Variants in CRYAB observed in about 807,000 individuals in gnomAD.
CRYAB encodes crystallin alpha B, also known as alpha-crystallin B chain.
In CRYAB, 9 loss-of-function variants were observed where a neutral mutation model predicts 12.7. The ratio of observed to expected loss-of-function variants is 0.71; its 90% CI spans 0.43 to 1.24. The LOEUF (loss-of-function observed/expected upper bound fraction) is 1.24, where lower values mean the gene tolerates loss of function less well. Among genes scored for constraint, CRYAB ranks in the 50% most tolerant of loss-of-function variants. The pLI is 0.00. For missense variants in CRYAB, 183 were observed against 226.6 expected, an observed-to-expected ratio of 0.81 and a Z score of 1.24; for synonymous variants, 93 against 86.8, an observed-to-expected ratio of 1.07 and a Z score of -0.40.
chr11:111,910,548 G>A, intron 1 of CRYAB, 99 bp from the exon 2 acceptor site: 1 of 1,433,988 alleles, frequency 7.0e-7, no homozygotes, highest in South Asian at 1.2e-5. Flanking sequence ...TTCTGTCCGG[G>A]TAATTCATCC....
rs782635893 is a variant in CRYAB at position 111,908,920 on chromosome 11, G to A, written c.372C>T (p.Ile124=). Residue 124 remains isoleucine, a synonymous_variant, in exon 3 of 3, where the codon ATC becomes ATT. Coordinates refer to ENST00000650687, the MANE Select transcript of CRYAB (RefSeq NM_001289808.2). ...ISREFHRKYR[I]PADVDPLTIT... ...TGGTGAGAGGGTCTACATCAGCTGG[G>A]ATCCGGTATTTCCTGTGGAACTCCC... 2 of 1,613,964 alleles carry A rather than the reference G, an allele frequency of 1.2e-6. No homozygotes were observed. Among genetic ancestry groups the A allele is most frequent in the Non-Finnish European group, 1.7e-6 (2 of 1,180,020 alleles).
At chr11:111,910,732 C>A (rs1965426485) in intron 1 of CRYAB, 1 of 489,214 alleles carries the variant, frequency 2.0e-6, no homozygotes. Context: ...GCAAGCCTGG[C>A]ATCTGCTGCC....
chr11:111,912,726 G>GCCCCC, upstream of CRYAB: 2 of 285,752 alleles, frequency 7.0e-6, no homozygotes, highest in Non-Finnish European at 1.3e-5. Context: ...TGTCGACCCC[G>GCCCCC]CCCCCACCTC....
Position 111,908,704 on chromosome 11 carries a change from C to G in CRYAB, c.*60G>C. 6.4e-7 allele frequency: 1 copy of G among 1,559,344 alleles called. No individual in the cohort carries two copies. Among genetic ancestry groups the G allele is most frequent in the Admixed American group, 1.7e-5 (1 of 59,922 alleles). On this transcript the variant is annotated 3_prime_UTR_variant, in exon 3 of 3. Transcript: ENST00000650687. ...ATAAGCTTCAGCACTAGTCACAAGA[C>G]TTTCATTCACTGGTGGGGAAACTTT... is the stretch of plus-strand genomic sequence containing the variant.
At chr11:111,912,245 T>C (rs1965485202), upstream of CRYAB, 1 of 189,024 alleles carries the variant, frequency 5.3e-6, no homozygotes, top group Non-Finnish European at 1.1e-5. Context: ...AGAGCAGTGA[T>C]GGTCAACATG....
At chr11:111,915,206 C>G (rs1249679300), upstream of CRYAB, among the ~76,000 whole-genome samples, 1 of 152,188 alleles carries the variant, frequency 6.6e-6, no homozygotes, top group African/African-American at 2.4e-5. Context: ...TTTGGCAATA[C>G]AATTTGAATA....
chr11:111,921,999 A>C (rs1965708558), intron 1 of CRYAB, among the ~76,000 whole-genome samples: 1 of 152,072 alleles, frequency 6.6e-6, no homozygotes, highest in Non-Finnish European at 1.5e-5. Context: ...CGCCCAGCTA[A>C]TTTTTGTATT....
In CRYAB at chr11:111,911,744, G is replaced by A. The variant is rs782699271; in HGVS notation, c.-20C>T. On this transcript the variant is annotated 5_prime_UTR_variant, in exon 1 of 3. Transcript: ENST00000650687. ...GTCCATGGTGGCTAGGTGAGTGTGAGGGGTCAGCTGGCTGGTCAGCTCCTT... is the reference window on the plus strand; with the variant it reads ...GTCCATGGTGGCTAGGTGAGTGTGAAGGGTCAGCTGGCTGGTCAGCTCCTT... 6.5e-7 allele frequency: 1 copy of A among 1,543,382 alleles called. No homozygotes were observed. The highest frequency in any genetic ancestry group is 8.8e-7 in the Non-Finnish European group (1 of 1,134,536).
upstream of CRYAB, chr11:111,912,910 G>T: frequency 2.5e-6 from 4 of 1,605,850 alleles, no homozygotes; most frequent in Non-Finnish European, 3.4e-6. Context: ...TGGGTGAGCA[G>T]CGCTTCGGAG....
chr11:111,913,154 C>G (rs936751586), upstream of CRYAB: 18 of 607,184 alleles, frequency 3.0e-5, no homozygotes, highest in Middle Eastern at 2.6e-3. Context: ...CTTTGCCGGC[C>G]TGGGTGTGCC....
chr11:111,915,580 C>A (rs1965585622), upstream of CRYAB, among the ~76,000 whole-genome samples: 1 of 152,144 alleles, frequency 6.6e-6, no homozygotes, highest in African/African-American at 2.4e-5. Flanking sequence ...TGTAACTGAG[C>A]TTTATTTAAA....
At position 111,923,294 on chromosome 11, in the gene CRYAB, G is replaced by A. The variant is rs587682033; in HGVS notation, c.-199+409C>T. Among the ~76,000 whole-genome samples, 4 of 152,316 alleles carry A rather than the reference G, an allele frequency of 2.6e-5. No homozygotes were observed. In the South Asian group the frequency reaches 8.3e-4, roughly 32 times the overall value. Reference sequence around the variant, plus strand: ...TGGAGACTCAACTGCTGTCAACTGAGCAAGCTGTAGCAAAACCAAAAATCA... The same window carrying A: ...TGGAGACTCAACTGCTGTCAACTGAACAAGCTGTAGCAAAACCAAAAATCA... On this transcript the variant is annotated intron_variant, in intron 1 of 3. Transcript: ENST00000527950.
chr11:111,921,268 C>T (rs1965694283), intron 1 of CRYAB, among the ~76,000 whole-genome samples: 1 of 152,198 alleles, frequency 6.6e-6, no homozygotes, highest in South Asian at 2.1e-4. Flanking sequence ...TGAACATGTA[C>T]TACAGGCACA....
intron 1 of CRYAB, chr11:111,919,036 C>CT: frequency 6.2e-7 from 1 of 1,613,728 alleles, no homozygotes; most frequent in Non-Finnish European, 8.5e-7. Flanking sequence ...AGGGGAACAT[C>CT]TATCTCTGTT....
intron 2 of CRYAB, chr11:111,909,350 G>T (rs1404785447): frequency 1.3e-5 from 5 of 397,544 alleles, no homozygotes; most frequent in Non-Finnish European, 2.5e-5. Flanking sequence ...GTCCCAGAAG[G>T]TTCCAGAACA....
chr11:111,915,302 C>T (rs1183214915), upstream of CRYAB, among the ~76,000 whole-genome samples: 1 of 152,154 alleles, frequency 6.6e-6, no homozygotes, highest in African/African-American at 2.4e-5. Flanking sequence ...TTGAGGAATT[C>T]GACTTTTGGT....
upstream of CRYAB, chr11:111,912,030 C>G (rs1592510493): frequency 2.9e-6 from 1 of 348,062 alleles, no homozygotes; most frequent in Non-Finnish European, 5.4e-6. Flanking sequence ...CACCCCTGTT[C>G]TCTGAAGCTG....
rs1965351856 is a variant in CRYAB at position 111,908,768 on chromosome 11, T to A, written c.524A>T (p.Lys175Ile). The change falls in exon 3 of 3, where the codon AAA becomes ATA. Residue 175 changes from lysine (K) to isoleucine (I), a missense_variant. By Grantham distance (102) the Lys-to-Ile change is moderately radical. Around this residue, in one of 3 missense-constraint regions of CRYAB, gnomAD observed 95 missense variants for 112.5 expected, o/e 0.84. Coordinates refer to ENST00000650687, the MANE Select transcript of CRYAB (RefSeq NM_001289808.2). ...EKPAVTAAPK[K>I] ...ATGCAATTCAAGAAAGGGCATCTAT[T>A]TCTTGGGGGCTGCGGTGACAGCAGG... 3 of 1,612,634 alleles carry A rather than the reference T, an allele frequency of 1.9e-6. No homozygotes were observed. The highest frequency in any genetic ancestry group is 2.5e-6 in the Non-Finnish European group (3 of 1,180,016).
Position 111,911,515 on chromosome 11 carries a change from G to A in CRYAB, c.201+9C>T, listed in dbSNP as rs1965452386. On this transcript the variant is annotated intron_variant, in intron 1 of 2. Coordinates refer to ENST00000650687, the MANE Select transcript of CRYAB (RefSeq NM_001289808.2). Reference sequence around the variant, plus strand: ...AGGACTCTCCCGTCCTAGCTGTGGGGAGACTCACCTCTGAGAGTCCAGTGT... The same window carrying A: ...AGGACTCTCCCGTCCTAGCTGTGGGAAGACTCACCTCTGAGAGTCCAGTGT... 1.2e-6 allele frequency: 2 copies of A among 1,605,328 alleles called. No homozygotes were observed. Among genetic ancestry groups the A allele is most frequent in the Non-Finnish European group, 1.7e-6 (2 of 1,176,560 alleles).
Sources: gnomAD v4.1 joint callset for allele counts (sites outside exome capture counted in the v4.1 genomes callset) on GRCh38, gnomAD v4.1.1 for gene constraint, gnomAD v4.1.1 regional missense constraint, MANE v1.5 for transcripts, NCBI Gene and HGNC (gene_info 2026-07-23, HGNC 2026-07-21) for gene names.